The following VPS13A variants were observed in gnomAD, a reference collection of about 807,000 sequenced individuals.
VPS13A encodes the protein intermembrane lipid transfer protein VPS13A.
VPS13A carries 264 observed loss-of-function variants against 390.9 expected under a neutral mutation model. The observed-to-expected ratio is 0.68, with a 90% CI of 0.61 to 0.75. VPS13A has a LOEUF of 0.75. Ranked by LOEUF, VPS13A falls within the 30% of genes least tolerant of loss-of-function variation. The pLI is 0.00. For synonymous variants in VPS13A, 1,231 were observed against 1,227.1 expected (o/e 1.00, Z -0.07); for missense variants, 3,409 against 3,733.9 (o/e 0.91, Z 2.27).
Position 77,247,243 on chromosome 9 carries a change from A to T in VPS13A, c.1901-16A>T. 3 of 1,546,792 alleles carry T rather than the reference A, an allele frequency of 1.9e-6. No individual in the cohort carries two copies. Among genetic ancestry groups the T allele is most frequent in the Non-Finnish European group, 2.6e-6 (3 of 1,137,396 alleles). ...TTTGTGAAAAGTATTCATAGAAAAG[A>T]TTTACATTTTTCCAGGTCTACTGTA... is the stretch of plus-strand genomic sequence containing the variant. On this transcript the variant is annotated splice_polypyrimidine_tract_variant and intron_variant, in intron 19 of 71. Transcript: ENST00000360280.
At chr9:77,251,124 A>G (rs919657985) in intron 21 of VPS13A, among the ~76,000 whole-genome samples, 1 of 152,236 alleles carries the variant, frequency 6.6e-6, no homozygotes, top group Admixed American at 6.5e-5. Flanking sequence ...TATTTGCTTC[A>G]GGATAGTGAA....
intron 26 of VPS13A, among the ~76,000 whole-genome samples, chr9:77,279,148 C>T (rs1355082248): frequency 6.6e-6 from 1 of 152,236 alleles, no homozygotes; most frequent in African/African-American, 2.4e-5. Context: ...TGCCTGAGTT[C>T]TTGCCCAGTG....
chr9:77,379,969 TG>T (rs1237402255), intron 67 of VPS13A, among the ~76,000 whole-genome samples: 2 of 152,162 alleles, frequency 1.3e-5, no homozygotes, highest in African/African-American at 4.8e-5. Flanking sequence ...ACTATTATGG[TG>T]GTATTGCCTT....
At chr9:77,200,398 A>T (rs1389580606) in intron 2 of VPS13A, among the ~76,000 whole-genome samples, 1 of 152,198 alleles carries the variant, frequency 6.6e-6, no homozygotes, top group African/African-American at 2.4e-5. Context: ...ATGAGGCAGG[A>T]GAATCGCTTG....
rs1418726446 is a variant in VPS13A at position 77,419,402 on chromosome 9, T to C, written c.*3396T>C. ...TCACAATATAAAGTGTTTCCTGTTA[T>C]GAAATGCAATTTAAAAAAAGAAAGC... is the stretch of plus-strand genomic sequence containing the variant. On this transcript the variant is annotated 3_prime_UTR_variant, in exon 72 of 72. Coordinates refer to ENST00000360280, the MANE Select transcript of VPS13A (RefSeq NM_033305.3). The C allele has an allele frequency of 2.6e-5, 4 of 152,214 alleles. No individual in the cohort carries two copies. Among genetic ancestry groups the C allele is most frequent in the African/African-American group, 4.8e-5 (2 of 41,446 alleles). The allele number at this position is 152,214 out of a possible 1,614,324, so 9.4% of individuals were successfully genotyped here.
intron 22 of VPS13A, among the ~76,000 whole-genome samples, chr9:77,259,539 T>G (rs555383601): frequency 6.6e-6 from 1 of 152,296 alleles, no homozygotes; most frequent in South Asian, 2.1e-4. Context: ...ACTTTCTCTC[T>G]CTCTCTCTGA....
At chr9:77,315,507 T>C (rs1235962834) in intron 38 of VPS13A, 37 bp downstream of exon 38, 2 of 1,587,562 alleles carry the variant, frequency 1.3e-6, no homozygotes, top group Non-Finnish European at 1.7e-6. Flanking sequence ...ATTTGTTTTA[T>C]TGAAGTGCTA....
chr9:77,336,802 CTTTTTTTTTTT>C (rs1221241397), intron 46 of VPS13A, among the ~76,000 whole-genome samples: 2 of 107,988 alleles, frequency 1.9e-5, no homozygotes, highest in East Asian at 2.8e-4. Context: ...ATTTATCTAT[CTTTTTTTTTTT>C]TTTTTTTTTT....
chr9:77,334,498 C>A (rs146862774), intron 46 of VPS13A, among the ~76,000 whole-genome samples: 19 of 152,272 alleles, frequency 1.2e-4, no homozygotes, highest in Non-Finnish European at 2.2e-4. Context: ...CTTCAGAACA[C>A]CCTTTTTGGG....
At chr9:77,384,667 C>G (rs1005226556) in intron 68 of VPS13A, 9 of 1,600,616 alleles carry the variant, frequency 5.6e-6, no homozygotes, top group Non-Finnish European at 7.6e-6. Context: ...GATGATGAGT[C>G]AGATCTAAAC....
At chr9:77,231,085 C>A (rs1823805902) in intron 17 of VPS13A, among the ~76,000 whole-genome samples, 1 of 152,068 alleles carries the variant, frequency 6.6e-6, no homozygotes, top group Non-Finnish European at 1.5e-5. Context: ...CACTTGTACC[C>A]TGCAACCTTG....
chr9:77,293,257 T>C (rs1321566652), intron 31 of VPS13A, 84 bp from the exon 32 acceptor site: 12 of 1,243,264 alleles, frequency 9.7e-6, no homozygotes, highest in Non-Finnish European at 1.4e-5. Context: ...AACTATGTTT[T>C]GTTATTTTTT....
chr9:77,368,940 C>T (rs1832591925), intron 62 of VPS13A, among the ~76,000 whole-genome samples: 1 of 152,104 alleles, frequency 6.6e-6, no homozygotes, highest in African/African-American at 2.4e-5. Context: ...TCGAGACCAC[C>T]CTGGCCAACA....
In VPS13A at chr9:77,339,483, A is replaced by C. The variant is rs1011547130; in HGVS notation, c.6379-33A>C. On this transcript the variant is annotated intron_variant, in intron 47 of 71. Transcript: ENST00000360280. ...AGGCATATTATTCTGCAACATTTTA[A>C]ATTTTGTTTTGTTTTTTTTTTTTTT... 4.1e-6 allele frequency: 6 copies of C among 1,449,424 alleles called. No individual in the cohort carries two copies. The African/African-American group carries it at 8.8e-5, about 21-fold the overall frequency. 89.8% of individuals were successfully genotyped at this position (1,449,424 alleles called of 1,614,324 possible).
intron 33 of VPS13A, 79 bp downstream of exon 33, chr9:77,295,925 T>A (rs1827970447): frequency 7.3e-7 from 1 of 1,373,860 alleles, no homozygotes; most frequent in South Asian, 1.2e-5. Context: ...TTGAGTAGTC[T>A]GTTTACAGTG....
chr9:77,228,635 A>C (rs972167756), intron 17 of VPS13A, among the ~76,000 whole-genome samples: 2 of 152,148 alleles, frequency 1.3e-5, no homozygotes, highest in South Asian at 4.1e-4. Flanking sequence ...GATTTTTCAC[A>C]ACTATATTAT....
At chr9:77,317,777 C>CT (rs1290400309) in intron 40 of VPS13A, 79 bp downstream of exon 40, 29 of 1,090,476 alleles carry the variant, frequency 2.7e-5, no homozygotes, top group Non-Finnish European at 3.8e-5. Flanking sequence ...TATAGCAAGT[C>CT]TTTTAATTGT....
intron 47 of VPS13A, chr9:77,338,586 C>T (rs1314006028): frequency 1.3e-5 from 2 of 152,170 alleles, no homozygotes; most frequent in Non-Finnish European, 2.9e-5. Flanking sequence ...GCCTCCCAGA[C>T]ACAGGGTTGC....
chr9:77,283,272 A>G, intron 29 of VPS13A, 83 bp from the exon 30 acceptor site: 1 of 802,484 alleles, frequency 1.2e-6, no homozygotes. Flanking sequence ...ATTTGTGGTG[A>G]TATTTCAGTT....
Sources: gnomAD v4.1 joint callset for allele counts (sites outside exome capture counted in the v4.1 genomes callset) on GRCh38, gnomAD v4.1.1 for gene constraint, MANE v1.5 for transcripts, NCBI Gene and HGNC (gene_info 2026-07-23, HGNC 2026-07-21) for gene names.